The following UNC13C variants were observed in gnomAD, a reference collection of about 807,000 sequenced individuals.
The protein encoded by UNC13C is unc-13 homolog C.
In UNC13C, 174 loss-of-function variants were observed where a neutral mutation model predicts 245.4. The observed-to-expected ratio is 0.71, with a 90% CI of 0.63 to 0.80. UNC13C has a LOEUF of 0.80. Ranked by LOEUF, UNC13C falls within the 30% of genes least tolerant of loss-of-function variation. The pLI, the probability that UNC13C is intolerant of heterozygous loss-of-function variation, is 0.00. For missense variants in UNC13C, 2,829 were observed against 2,602.9 expected (o/e 1.09, Z -1.89); for synonymous variants, 992 against 895.1 (o/e 1.11, Z -1.93).
intron 18 of UNC13C, among the ~76,000 whole-genome samples, chr15:54,399,024 G>A (rs950690147): frequency 6.6e-6 from 1 of 151,574 alleles, no homozygotes; most frequent in East Asian, 1.9e-4. Context: ...GTAATCCAGT[G>A]AGAAGATATG....
chr15:54,615,786 C>A (rs1484540413), intron 30 of UNC13C, among the ~76,000 whole-genome samples: 1 of 152,006 alleles, frequency 6.6e-6, no homozygotes, highest in South Asian at 2.1e-4. Context: ...ACCTACTGCC[C>A]AAGTTCTTCT....
chr15:54,072,479 G>C (rs1382949444), intron 2 of UNC13C, among the ~76,000 whole-genome samples: 1 of 152,158 alleles, frequency 6.6e-6, no homozygotes, highest in Non-Finnish European at 1.5e-5. Flanking sequence ...AGAGCATGAA[G>C]AGGGGAAAAT....
At chr15:54,147,740 A>G (rs184319983) in intron 4 of UNC13C, among the ~76,000 whole-genome samples, 31 of 148,084 alleles carry the variant, frequency 2.1e-4, no homozygotes, top group Non-Finnish European at 3.6e-4. Context: ...AAAGTACCAC[A>G]AGTCTATAAA....
intron 20 of UNC13C, among the ~76,000 whole-genome samples, chr15:54,498,819 C>T (rs751438052): frequency 6.6e-6 from 1 of 152,162 alleles, no homozygotes; most frequent in Non-Finnish European, 1.5e-5. Context: ...ATTCCCCCCA[C>T]ATGGACCTAC....
chr15:54,235,391 G>A (rs1304882082), intron 5 of UNC13C, among the ~76,000 whole-genome samples: 2 of 152,168 alleles, frequency 1.3e-5, no homozygotes, highest in Non-Finnish European at 2.9e-5. Context: ...AGCATACCAA[G>A]CAAGTGAATA....
At chr15:53,976,475 CTCTT>C (rs1284091274), upstream of UNC13C, among the ~76,000 whole-genome samples, 783 of 63,612 alleles carry the variant, frequency 0.012, 8 homozygotes, top group African/African-American at 0.037. Flanking sequence ...CTCTCTCTCT[CTCTT>C]TTTTTTTTTT....
intron 22 of UNC13C, among the ~76,000 whole-genome samples, chr15:54,502,226 C>T (rs1894250742): frequency 6.6e-6 from 1 of 152,078 alleles, no homozygotes; most frequent in Admixed American, 6.6e-5. Flanking sequence ...TAAGCATAAT[C>T]TGTGACCTCA....
At chr15:54,343,759 A>G (rs1409914457) in intron 17 of UNC13C, among the ~76,000 whole-genome samples, 1 of 152,220 alleles carries the variant, frequency 6.6e-6, no homozygotes, top group East Asian at 1.9e-4. Context: ...CTACCCCAAT[A>G]GGATTTTATA....
intron 8 of UNC13C, among the ~76,000 whole-genome samples, chr15:54,259,787 C>A (rs2036378298): frequency 6.6e-6 from 1 of 152,160 alleles, no homozygotes; most frequent in Admixed American, 6.5e-5. Flanking sequence ...TGTAGGTTAA[C>A]CAAATTCTGT....
intron 19 of UNC13C, among the ~76,000 whole-genome samples, chr15:54,484,854 C>A (rs1312476675): frequency 6.6e-6 from 1 of 152,000 alleles, no homozygotes; most frequent in East Asian, 1.9e-4. Context: ...AGAAAATGTA[C>A]CATAAATTTC....
intron 4 of UNC13C, among the ~76,000 whole-genome samples, chr15:54,180,741 G>T (rs1490105955): frequency 6.7e-6 from 1 of 149,986 alleles, no homozygotes; most frequent in Non-Finnish European, 1.5e-5. Context: ...TTTCTTTGAC[G>T]ATTAGTGATG....
chr15:53,838,493 G>T, the UNC13C span, among the ~76,000 whole-genome samples: 1 of 151,958 alleles, frequency 6.6e-6, no homozygotes, highest in East Asian at 1.9e-4. Flanking sequence ...ATGAATAGAT[G>T]TTTAATTTTA....
intron 19 of UNC13C, among the ~76,000 whole-genome samples, chr15:54,454,811 T>G (rs1596404306): frequency 6.6e-6 from 1 of 151,640 alleles, no homozygotes; most frequent in Non-Finnish European, 1.5e-5. Context: ...TATTCATTCA[T>G]TCATTCATTC....
intron 29 of UNC13C, among the ~76,000 whole-genome samples, chr15:54,565,271 G>A (rs1346219478): frequency 6.6e-6 from 1 of 151,850 alleles, no homozygotes; most frequent in African/African-American, 2.4e-5. Flanking sequence ...CAACCACTGT[G>A]TCTCTTTTGC....
intron 14 of UNC13C, among the ~76,000 whole-genome samples, chr15:54,331,015 G>A (rs1440370782): frequency 6.6e-6 from 1 of 151,940 alleles, no homozygotes; most frequent in African/African-American, 2.4e-5. Context: ...GGAACAATTT[G>A]TCACCTCCTG....
intron 17 of UNC13C, among the ~76,000 whole-genome samples, chr15:54,357,909 A>G (rs2039134026): frequency 6.6e-6 from 1 of 152,082 alleles, no homozygotes; most frequent in South Asian, 2.1e-4. Flanking sequence ...GTATGTATAT[A>G]CATTAATCTT....
chr15:53,990,154 C>G (rs1894319983), intron 1 of UNC13C, among the ~76,000 whole-genome samples: 1 of 151,922 alleles, frequency 6.6e-6, no homozygotes, highest in Non-Finnish European at 1.5e-5. Flanking sequence ...TATGTTTACC[C>G]TATTAAAACA....
intron 4 of UNC13C, among the ~76,000 whole-genome samples, chr15:54,218,506 G>A (rs1374508476): frequency 6.6e-6 from 1 of 151,944 alleles, no homozygotes; most frequent in Non-Finnish European, 1.5e-5. Flanking sequence ...GTGTGGAATA[G>A]TATGATGCCT....
chr15:54,362,693 C>A (rs1227487271), intron 17 of UNC13C, among the ~76,000 whole-genome samples: 1 of 152,134 alleles, frequency 6.6e-6, no homozygotes, highest in Non-Finnish European at 1.5e-5. Context: ...TGGGGTCCAA[C>A]ATTCTGCATT....
Sources: allele counts gnomAD v4.1 joint callset (sites outside exome capture counted in the v4.1 genomes callset), GRCh38; gene constraint gnomAD v4.1.1; transcripts MANE v1.5; gene names NCBI Gene and HGNC (gene_info 2026-07-23, HGNC 2026-07-21).